ABTB3: variants seen among roughly 807,000 people sequenced by gnomAD.
The protein encoded by ABTB3 is ankyrin repeat- and BTB/POZ domain-containing protein 3.
the ABTB3 span, among the ~76,000 whole-genome samples, chr12:107,430,159 C>A: frequency 6.6e-6 from 1 of 152,130 alleles, no homozygotes; most frequent in Non-Finnish European, 1.5e-5. Context: ...AAGTATTATT[C>A]ACCTAAAATA....
At chr12:107,372,623 C>T in the ABTB3 span, among the ~76,000 whole-genome samples, 7 of 152,158 alleles carry the variant, frequency 4.6e-5, no homozygotes, top group African/African-American at 9.7e-5. Context: ...AGCTCAGCTG[C>T]GTGGACTTCC....
At chr12:107,569,281 T>C in the ABTB3 span, among the ~76,000 whole-genome samples, 88 of 152,328 alleles carry the variant, frequency 5.8e-4, no homozygotes, top group African/African-American at 2.1e-3. Context: ...TGTTTTAGAA[T>C]TGATCTGTTA....
chr12:107,452,818 G>A, the ABTB3 span, among the ~76,000 whole-genome samples: 1 of 152,154 alleles, frequency 6.6e-6, no homozygotes, highest in South Asian at 2.1e-4. Context: ...TCCAGCCTGG[G>A]CAACAAGAGT....
At chr12:107,574,724 A>G in the ABTB3 span, among the ~76,000 whole-genome samples, 1 of 152,164 alleles carries the variant, frequency 6.6e-6, no homozygotes, top group African/African-American at 2.4e-5. Context: ...AAAAGAAAGG[A>G]AGAAAGAGAA....
At chr12:107,573,800 G>A in the ABTB3 span, among the ~76,000 whole-genome samples, 17 of 152,180 alleles carry the variant, frequency 1.1e-4, no homozygotes, top group Admixed American at 3.9e-4. Flanking sequence ...TTCTCTTGAC[G>A]CCTCCAACTG....
chr12:107,368,949 C>T, the ABTB3 span, among the ~76,000 whole-genome samples: 1 of 151,882 alleles, frequency 6.6e-6, no homozygotes, highest in Non-Finnish European at 1.5e-5. Flanking sequence ...CCTTTCTTTT[C>T]TCATTGATTT....
the ABTB3 span, among the ~76,000 whole-genome samples, chr12:107,477,269 G>A: frequency 2.6e-5 from 4 of 152,166 alleles, no homozygotes; most frequent in African/African-American, 4.8e-5. Context: ...ATGATACAGA[G>A]TTCAATGGGC....
chr12:107,638,232 T>C, the ABTB3 span, among the ~76,000 whole-genome samples: 1 of 151,966 alleles, frequency 6.6e-6, no homozygotes, highest in African/African-American at 2.4e-5. Flanking sequence ...CAGAGAAAGG[T>C]GAGTGGAGGA....
At chr12:107,495,663 G>A in the ABTB3 span, among the ~76,000 whole-genome samples, 36 of 152,258 alleles carry the variant, frequency 2.4e-4, no homozygotes, top group Non-Finnish European at 4.6e-4. Context: ...GAACTTCAGG[G>A]AAGCCCTTCT....
the ABTB3 span, among the ~76,000 whole-genome samples, chr12:107,458,893 C>T: frequency 6.6e-6 from 1 of 152,284 alleles, no homozygotes; most frequent in Middle Eastern, 3.4e-3. Flanking sequence ...CTGCAGGCCC[C>T]CTCTATGCCA....
At chr12:107,656,916 G>C in the ABTB3 span, among the ~76,000 whole-genome samples, 10 of 152,152 alleles carry the variant, frequency 6.6e-5, no homozygotes, top group Non-Finnish European at 1.3e-4. Context: ...TGTAATCCCA[G>C]CACTTTGGGA....
chr12:107,649,340 G>T, the ABTB3 span: 1 of 1,439,914 alleles, frequency 6.9e-7, no homozygotes, highest in African/African-American at 1.4e-5. Context: ...CTGTAAACTC[G>T]GGTCACCAGC....
the ABTB3 span, among the ~76,000 whole-genome samples, chr12:107,360,285 A>C: frequency 8.7e-4 from 133 of 152,204 alleles, no homozygotes; most frequent in African/African-American, 3.1e-3. Flanking sequence ...GTGGTTGGAG[A>C]AGGGTGAGGA....
chr12:107,454,058 A>T, the ABTB3 span, among the ~76,000 whole-genome samples: 1 of 152,172 alleles, frequency 6.6e-6, no homozygotes, highest in Non-Finnish European at 1.5e-5. Flanking sequence ...GAAGGTGGAG[A>T]CCTTGTCTTA....
chr12:107,384,814 C>T, the ABTB3 span, among the ~76,000 whole-genome samples: 7 of 152,116 alleles, frequency 4.6e-5, no homozygotes, highest in East Asian at 1.9e-4. Context: ...TTGAACCTGC[C>T]GGCAAGGCTT....
At chr12:107,472,875 G>A in the ABTB3 span, among the ~76,000 whole-genome samples, 1 of 152,188 alleles carries the variant, frequency 6.6e-6, no homozygotes, top group Non-Finnish European at 1.5e-5. Flanking sequence ...GGGATCATTA[G>A]AGGAAGTCAG....
the ABTB3 span, among the ~76,000 whole-genome samples, chr12:107,542,662 A>G: frequency 6.6e-6 from 1 of 152,318 alleles, no homozygotes; most frequent in East Asian, 1.9e-4. Flanking sequence ...TGACTCCCCA[A>G]AAGCTTACTA....
the ABTB3 span, among the ~76,000 whole-genome samples, chr12:107,322,741 G>A: frequency 3.1e-5 from 1 of 32,242 alleles, no homozygotes; most frequent in Non-Finnish European, 6.0e-5. Flanking sequence ...AAGAAACTGA[G>A]GCATAGGGAA....
At chr12:107,610,428 C>A in the ABTB3 span, 1 of 1,557,808 alleles carries the variant, frequency 6.4e-7, no homozygotes, top group Non-Finnish European at 8.8e-7. Context: ...ACAGAGACAG[C>A]CGGTGAATCC....
Sources: gnomAD v4.1 joint callset for allele counts (sites outside exome capture counted in the v4.1 genomes callset) on GRCh38, gnomAD v4.1.1 for gene constraint, MANE v1.5 for transcripts, NCBI Gene and HGNC (gene_info 2026-07-23, HGNC 2026-07-21) for gene names.